RTRAF: variants seen among roughly 807,000 people sequenced by gnomAD.
The protein encoded by RTRAF is RNA transcription, translation and transport factor.
In RTRAF, 14 loss-of-function variants were observed where a neutral mutation model predicts 34.4. The ratio of observed to expected loss-of-function variants is 0.41; its 90% CI spans 0.27 to 0.64. The LOEUF (loss-of-function observed/expected upper bound fraction) is 0.64. Ranked by LOEUF, RTRAF falls within the 30% of genes least tolerant of loss-of-function variation. The pLI is 0.34. For synonymous variants in RTRAF, 96 were observed against 95.3 expected (o/e 1.01, Z -0.04); for missense variants, 291 against 288.4 (o/e 1.01, Z -0.06).
chr14:51,998,314 C>A, intron 3 of RTRAF, 180 bp from the exon 4 acceptor site: 1 of 463,102 alleles, frequency 2.2e-6, no homozygotes, highest in Admixed American at 4.2e-5. Flanking sequence ...CCAAAATATC[C>A]CATTTTATAT....
In RTRAF at chr14:52,007,692, T is replaced by A; in HGVS notation, c.*3176T>A. 1 of 957,648 alleles carries A rather than the reference T, an allele frequency of 1.0e-6. No individual in the cohort carries two copies. The highest frequency in any genetic ancestry group is 1.6e-6 in the Non-Finnish European group (1 of 621,216). The allele number at this position is 957,648 out of a possible 1,614,324, so 59.3% of individuals were successfully genotyped here. ...ACTTAAATTTACTAGTACTTAAAAGTTTACAGACCAAAGAAAGGAGATCTA... is the reference window on the plus strand; with the variant it reads ...ACTTAAATTTACTAGTACTTAAAAGATTACAGACCAAAGAAAGGAGATCTA... On this transcript the variant is annotated 3_prime_UTR_variant, in exon 8 of 8. Transcript: ENST00000261700.
In RTRAF at chr14:52,006,405, T is replaced by C; in HGVS notation, c.*1889T>C. 1 of 902,800 alleles carries C rather than the reference T, an allele frequency of 1.1e-6. No homozygotes were observed. 55.9% of individuals were successfully genotyped at this position (902,800 alleles called of 1,614,324 possible). ...ATCCTTGAAGGATCTTATCTGCCAA[T>C]GAGGAGGTGATGAAACAAAAGCCTC... On this transcript the variant is annotated 3_prime_UTR_variant, in exon 8 of 8. Coordinates refer to ENST00000261700, the MANE Select transcript of RTRAF (RefSeq NM_016039.3).
intron 6 of RTRAF, among the ~76,000 whole-genome samples, chr14:52,002,176 C>G (rs1890611388): frequency 6.6e-6 from 1 of 152,192 alleles, no homozygotes; most frequent in Non-Finnish European, 1.5e-5. Context: ...CCATATGAAA[C>G]TTACTGGATT....
At chr14:51,996,846 C>T (rs537244741) in intron 3 of RTRAF, among the ~76,000 whole-genome samples, 1 of 152,170 alleles carries the variant, frequency 6.6e-6, no homozygotes, top group African/African-American at 2.4e-5. Flanking sequence ...GGATTATGCA[C>T]CGCATTAGTT....
Position 52,008,174 on chromosome 14 carries a change from C to G in RTRAF, c.*3658C>G, listed in dbSNP as rs1303867881. ...GGCTATCACTGCCGATATTCGGTCTCAAAAAACTGGTTTCTGCCTTAGGGG... is the reference window on the plus strand; with the variant it reads ...GGCTATCACTGCCGATATTCGGTCTGAAAAAACTGGTTTCTGCCTTAGGGG... On this transcript the variant is annotated 3_prime_UTR_variant, in exon 8 of 8. Coordinates refer to ENST00000261700, the MANE Select transcript of RTRAF (RefSeq NM_016039.3). 6.6e-6 allele frequency: 3 copies of G among 457,420 alleles called. No homozygotes were observed. Among genetic ancestry groups the G allele is most frequent in the Non-Finnish European group, 1.2e-5 (3 of 260,804 alleles). 28.3% of individuals were successfully genotyped at this position (457,420 alleles called of 1,614,324 possible).
intron 2 of RTRAF, 76 bp downstream of exon 2, chr14:51,991,517 T>C: frequency 6.7e-7 from 1 of 1,486,024 alleles, no homozygotes. Context: ...AAAATTACTT[T>C]CTTCTTTTAA....
At position 52,004,542 on chromosome 14, in the gene RTRAF, C is replaced by G. The variant is rs1468628242; in HGVS notation, c.*26C>G. ...ACACTTGAGGACTTCAGCTTCTCAC[C>G]TACTTAGTACAGTTGGGAACCATAC... On this transcript the variant is annotated 3_prime_UTR_variant, in exon 8 of 8. Coordinates refer to ENST00000261700, the MANE Select transcript of RTRAF (RefSeq NM_016039.3). 1.9e-6 allele frequency: 3 copies of G among 1,597,516 alleles called. No individual in the cohort carries two copies. Among genetic ancestry groups the G allele is most frequent in the Admixed American group, 3.4e-5 (2 of 58,492 alleles).
chr14:52,004,194 G>C lies in RTRAF; in HGVS notation c.532G>C (p.Gly178Arg). 1 of 1,611,802 alleles carries C rather than the reference G, an allele frequency of 6.2e-7. No homozygotes were observed. Among genetic ancestry groups the C allele is most frequent in the Non-Finnish European group, 8.5e-7 (1 of 1,178,444 alleles). The change falls in exon 7 of 8, where the codon GGC becomes CGC. Residue 178 changes from glycine to arginine, a missense_variant and splice_region_variant. By Grantham distance (125) the Gly-to-Arg change is moderately radical (BLOSUM62 -2). Transcript: ENST00000261700. ...TCATTTTGTCTTTCTTTTTTTAAAG[G>C]GCTTACCTGTTGCTTTAGACAAACA... ...AVAKANQTKE[G>R]LPVALDKHIL... is the part of the protein sequence containing the mutation.
At chr14:51,996,685 T>C (rs944631020) in intron 3 of RTRAF, among the ~76,000 whole-genome samples, 1 of 152,020 alleles carries the variant, frequency 6.6e-6, no homozygotes, top group Non-Finnish European at 1.5e-5. Context: ...CTTAAACACT[T>C]TAAAGTGCAT....
At chr14:52,000,627 C>G (rs1179730767) in intron 5 of RTRAF, among the ~76,000 whole-genome samples, 1 of 152,144 alleles carries the variant, frequency 6.6e-6, no homozygotes, top group Non-Finnish European at 1.5e-5. Context: ...TCAGTTTTAA[C>G]AAGACTGTTG....
intron 3 of RTRAF, among the ~76,000 whole-genome samples, chr14:51,997,232 C>T (rs148135756): frequency 3.3e-4 from 50 of 151,988 alleles, no homozygotes; most frequent in African/African-American, 1.2e-3. Context: ...TTTTAGCAAC[C>T]ATATGATGAT....
Position 52,006,188 on chromosome 14 carries a change from A to G in RTRAF, c.*1672A>G. ...AATATGTCCACAGTGTCAAAAGCCA[A>G]CTTAAGCCCTGTAATATAGCTCATG... is the stretch of plus-strand genomic sequence containing the variant. On this transcript the variant is annotated 3_prime_UTR_variant, in exon 8 of 8. Coordinates refer to ENST00000261700, the MANE Select transcript of RTRAF (RefSeq NM_016039.3). 1 of 398,478 alleles carries G rather than the reference A, an allele frequency of 2.5e-6. No individual in the cohort carries two copies. Among genetic ancestry groups the G allele is most frequent in the Non-Finnish European group, 4.7e-6 (1 of 214,018 alleles). 24.7% of individuals were successfully genotyped at this position (398,478 alleles called of 1,614,324 possible).
chr14:51,997,065 C>T (rs117287186), intron 3 of RTRAF, among the ~76,000 whole-genome samples: 13 of 152,058 alleles, frequency 8.5e-5, no homozygotes, highest in East Asian at 5.8e-4. Context: ...TACGTGATAG[C>T]GATATGTCCC....
intron 6 of RTRAF, 97 bp from the exon 7 acceptor site, chr14:52,004,097 A>T: frequency 9.6e-7 from 1 of 1,045,756 alleles, no homozygotes; most frequent in Non-Finnish European, 1.4e-6. Context: ...TAAAAGAGTT[A>T]AGACACCAGA....
At chr14:51,996,637 A>G (rs1006665150) in intron 3 of RTRAF, among the ~76,000 whole-genome samples, 3 of 151,952 alleles carry the variant, frequency 2.0e-5, no homozygotes, top group African/African-American at 7.2e-5. Context: ...TTTTTTCCAA[A>G]CCATTTGATA....
Position 52,005,148 on chromosome 14 carries a change from CAGGTTTAG to C in RTRAF, c.*635_*642del, listed in dbSNP as rs1235722515. On this transcript the variant is annotated 3_prime_UTR_variant, in exon 8 of 8. Coordinates refer to ENST00000261700, the MANE Select transcript of RTRAF (RefSeq NM_016039.3). The stretch of plus-strand genomic sequence containing the variant: ...GCCAGAAGGAATCCATGGCAAAAAT[CAGGTTTAG>C]AGTCTTAAACTCTAATTCTTAGTTG... The C allele has an allele frequency of 9.8e-6, 2 of 204,256 alleles. No homozygotes were observed. Among genetic ancestry groups the C allele is most frequent in the Non-Finnish European group, 1.9e-5 (2 of 102,800 alleles). The allele number at this position is 204,256 out of a possible 1,614,324, so 12.7% of individuals were successfully genotyped here.
Position 52,005,839 on chromosome 14 carries a change from C to A in RTRAF, c.*1323C>A. On this transcript the variant is annotated 3_prime_UTR_variant, in exon 8 of 8. Coordinates refer to ENST00000261700, the MANE Select transcript of RTRAF (RefSeq NM_016039.3). ...TGGCCACTATGTTTATTTACTGATA[C>A]AACACCATCCCTGGTAACAGAAAGG... 6.2e-7 allele frequency: 1 copy of A among 1,607,352 alleles called. No individual in the cohort carries two copies. The highest frequency in any genetic ancestry group is 8.5e-7 in the Non-Finnish European group (1 of 1,173,890).
chr14:52,001,772 A>G (rs1416539647), intron 5 of RTRAF, 26 bp from the exon 6 acceptor site: 3 of 1,603,216 alleles, frequency 1.9e-6, no homozygotes. Context: ...GCCTATAAAA[A>G]GTAAAAATAT....
chr14:52,004,570 T>G lies in RTRAF; in HGVS notation c.*54T>G, dbSNP rs1041845993. The G allele has an allele frequency of 1.3e-6, 2 of 1,493,446 alleles. No homozygotes were observed. Among genetic ancestry groups the G allele is most frequent in the Admixed American group, 2.3e-5 (1 of 43,668 alleles). 92.5% of individuals were successfully genotyped at this position (1,493,446 alleles called of 1,614,324 possible). On this transcript the variant is annotated 3_prime_UTR_variant, in exon 8 of 8. Coordinates refer to ENST00000261700, the MANE Select transcript of RTRAF (RefSeq NM_016039.3). ...CTTAGTACAGTTGGGAACCATACAC[T>G]TCTGGCATGTTTGGAAATCAAAATG...
Sources: allele counts gnomAD v4.1 joint callset (sites outside exome capture counted in the v4.1 genomes callset), GRCh38; gene constraint gnomAD v4.1.1; transcripts MANE v1.5; gene names NCBI Gene and HGNC (gene_info 2026-07-23, HGNC 2026-07-21).